The following PID1 variants were observed in gnomAD, a reference collection of about 807,000 sequenced individuals.
PID1 encodes phosphotyrosine interaction domain containing 1, also known as PTB-containing, cubilin and LRP1-interacting protein.
PID1 carries 10 observed loss-of-function variants against 19.1 expected under a neutral mutation model. The ratio of observed to expected loss-of-function variants is 0.52; its 90% CI spans 0.32 to 0.89. PID1 has a LOEUF of 0.89. Ranked by LOEUF, PID1 falls within the 40% of genes least tolerant of loss-of-function variation. PID1 has a pLI of 0.03. For synonymous variants in PID1, 130 were observed against 116.0 expected (o/e 1.12, Z -0.78); for missense variants, 248 against 285.3 (o/e 0.87, Z 0.94).
At position 229,155,799 on chromosome 2, in the gene PID1, C is replaced by A; in HGVS notation, c.177+19G>T. 6.3e-7 allele frequency: 1 copy of A among 1,594,672 alleles called. No homozygotes were observed. The highest frequency in any genetic ancestry group is 8.6e-7 in the Non-Finnish European group (1 of 1,168,136). On this transcript the variant is annotated intron_variant, in intron 2 of 2. Transcript: ENST00000392055. ...GGCTATCTCACCAAGAGAACCCCTG[C>A]TGGCCACGTGCCCCATACCTTGCAG...
chr2:229,099,947 T>A lies in PID1; in HGVS notation c.177+55871A>T, dbSNP rs550956355. Among the ~76,000 whole-genome samples the A allele has an allele frequency of 9.9e-5, 15 of 152,272 alleles. No homozygotes were observed. The South Asian group carries it at 2.9e-3, about 29-fold the overall frequency. ...AGCCTAATCTCCAATATGACACTGT[T>A]AGGAGATGGGGTCAAGGGGAGGGAA... On this transcript the variant is annotated intron_variant, in intron 2 of 2. Transcript: ENST00000392055.
At chr2:229,085,119 C>T (rs2191837) in intron 2 of PID1, among the ~76,000 whole-genome samples, 64,153 of 151,192 alleles carry the variant, frequency 0.42, 14,392 homozygotes, top group East Asian at 0.72. Context: ...TAAACTATGA[C>T]AATTGCAACT....
chr2:229,048,847 A>G (rs1693935508), intron 2 of PID1, among the ~76,000 whole-genome samples: 1 of 152,206 alleles, frequency 6.6e-6, no homozygotes, highest in Non-Finnish European at 1.5e-5. Flanking sequence ...GGTGTTACGC[A>G]AAATCAATAT....
At chr2:229,260,506 G>A (rs571237046) in intron 1 of PID1, among the ~76,000 whole-genome samples, 1 of 150,896 alleles carries the variant, frequency 6.6e-6, no homozygotes, top group South Asian at 2.1e-4. Flanking sequence ...ATGTGCATGT[G>A]TGTGTGTGTA....
At chr2:229,258,770 G>A (rs1300256288) in intron 1 of PID1, among the ~76,000 whole-genome samples, 1 of 151,700 alleles carries the variant, frequency 6.6e-6, no homozygotes, top group Non-Finnish European at 1.5e-5. Flanking sequence ...GCTGAGGCAG[G>A]AGAACGGCGT....
chr2:229,269,615 G>A (rs188288211), intron 1 of PID1, among the ~76,000 whole-genome samples: 3 of 152,294 alleles, frequency 2.0e-5, no homozygotes, highest in Non-Finnish European at 4.4e-5. Context: ...TAGAAGTTAC[G>A]CCTTTAACCG....
At chr2:229,255,183 C>T (rs916567708) in intron 1 of PID1, among the ~76,000 whole-genome samples, 5 of 152,154 alleles carry the variant, frequency 3.3e-5, no homozygotes, top group South Asian at 2.1e-4. Context: ...ACACAGCATC[C>T]GTGCTTTCAT....
intron 1 of PID1, among the ~76,000 whole-genome samples, chr2:229,165,860 A>G (rs1690586160): frequency 7.5e-6 from 1 of 133,102 alleles, no homozygotes; most frequent in African/African-American, 2.5e-5. Context: ...CAATCCAACA[A>G]TTCTTTTAGA....
intron 1 of PID1, among the ~76,000 whole-genome samples, chr2:229,158,606 T>TAAA (rs909726141): frequency 6.9e-6 from 1 of 145,168 alleles, no homozygotes; most frequent in African/African-American, 2.5e-5. Flanking sequence ...CCACAAATAT[T>TAAA]AAAAAAAAAA....
intron 2 of PID1, among the ~76,000 whole-genome samples, chr2:229,099,766 T>C (rs1302978072): frequency 2.0e-5 from 3 of 152,214 alleles, no homozygotes; most frequent in Non-Finnish European, 2.9e-5. Context: ...TAGAAAGTGA[T>C]TGGAGGAAAA....
At chr2:229,146,417 C>A (rs944356708) in intron 2 of PID1, among the ~76,000 whole-genome samples, 2 of 152,012 alleles carry the variant, frequency 1.3e-5, no homozygotes, top group Non-Finnish European at 2.9e-5. Context: ...ATAGGTACAG[C>A]AAACCACCAT....
In PID1 at chr2:229,033,359, C is replaced by T. The variant is rs1054790200; in HGVS notation, c.178-7251G>A. On this transcript the variant is annotated intron_variant, in intron 2 of 2. Coordinates refer to ENST00000392055, the MANE Select transcript of PID1 (RefSeq NM_001100818.2). ...TTACTGCTGGGCTTCTCAAGAATGA[C>T]AAGCCAAGAATAAAGACCTTCTAGA... Among the ~76,000 whole-genome samples the T allele has an allele frequency of 3.3e-5, 5 of 152,280 alleles. No individual in the cohort carries two copies. The South Asian group carries it at 1.0e-3, about 32-fold the overall frequency.
chr2:229,258,556 T>A (rs1168682312), intron 1 of PID1, among the ~76,000 whole-genome samples: 1 of 152,196 alleles, frequency 6.6e-6, no homozygotes, highest in Non-Finnish European at 1.5e-5. Flanking sequence ...ATACACATTT[T>A]TAACAGCTCT....
chr2:229,114,278 T>A (rs1178994152), intron 2 of PID1, among the ~76,000 whole-genome samples: 1 of 151,946 alleles, frequency 6.6e-6, no homozygotes, highest in Non-Finnish European at 1.5e-5. Flanking sequence ...GAAATTGGAA[T>A]CCAGATCTAT....
chr2:229,218,538 C>A (rs1192466711), intron 1 of PID1, among the ~76,000 whole-genome samples: 1 of 152,114 alleles, frequency 6.6e-6, no homozygotes, highest in East Asian at 1.9e-4. Flanking sequence ...CCAGGGTCAG[C>A]AATTACCTGG....
At chr2:229,233,408 G>T (rs2106269282) in intron 1 of PID1, among the ~76,000 whole-genome samples, 1 of 152,164 alleles carries the variant, frequency 6.6e-6, no homozygotes, top group South Asian at 2.1e-4. Context: ...GTGGGGATGG[G>T]GCTGGGAGAC....
At chr2:229,075,558 G>T (rs17613859) in intron 2 of PID1, among the ~76,000 whole-genome samples, 2 of 152,004 alleles carry the variant, frequency 1.3e-5, no homozygotes, top group African/African-American at 4.8e-5. Flanking sequence ...TCTAAAAAGC[G>T]ACTTGAATCA....
intron 1 of PID1, among the ~76,000 whole-genome samples, chr2:229,219,911 T>C (rs1243610887): frequency 6.6e-6 from 1 of 152,116 alleles, no homozygotes; most frequent in Non-Finnish European, 1.5e-5. Flanking sequence ...CATATGCTAG[T>C]AAATGGTTGA....
At chr2:229,062,571 T>C (rs1390561183) in intron 2 of PID1, among the ~76,000 whole-genome samples, 2 of 151,938 alleles carry the variant, frequency 1.3e-5, no homozygotes, top group African/African-American at 4.8e-5. Flanking sequence ...CTTGTAGGTC[T>C]TGTGTGATTC....
Sources: allele counts gnomAD v4.1 joint callset (sites outside exome capture counted in the v4.1 genomes callset), GRCh38; gene constraint gnomAD v4.1.1; transcripts MANE v1.5; gene names NCBI Gene and HGNC (gene_info 2026-07-23, HGNC 2026-07-21).